Variants in LGR6 observed in about 807,000 individuals in gnomAD.
LGR6 encodes leucine-rich repeat-containing G protein-coupled receptor 6.
Under a neutral mutation model 69.4 loss-of-function variants are expected in LGR6, and 45 were observed. The ratio of observed to expected loss-of-function variants is 0.65; its 90% CI spans 0.51 to 0.83. The LOEUF is 0.83. LGR6 is among the 40% of genes least tolerant of loss of function. The probability of loss-of-function intolerance (pLI) is 0.00; values close to 1 mark genes in which losing one functional copy is unlikely to be tolerated. For missense variants in LGR6, 1,108 were observed against 1,246.7 expected (o/e 0.89, Z 1.68); for synonymous variants, 538 against 555.0 (o/e 0.97, Z 0.43).
chr1:202,236,181 G>T (rs1558023994), intron 4 of LGR6, 188 bp downstream of exon 4: 2 of 607,522 alleles, frequency 3.3e-6, no homozygotes, highest in Non-Finnish European at 5.9e-6. Context: ...GTGTGGCTGT[G>T]TACACTCCTA....
chr1:202,237,087 C>A (rs1407669095), intron 4 of LGR6, among the ~76,000 whole-genome samples: 1 of 152,206 alleles, frequency 6.6e-6, no homozygotes, highest in Non-Finnish European at 1.5e-5. Flanking sequence ...GTGCCCTCTA[C>A]CCTCCTGCCT....
intron 4 of LGR6, among the ~76,000 whole-genome samples, chr1:202,240,405 G>A (rs1034185141): frequency 4.0e-5 from 6 of 151,408 alleles, no homozygotes; most frequent in South Asian, 4.2e-4. Context: ...ATGAAAGAAC[G>A]AATGAACAGC....
In LGR6 at chr1:202,309,159, C is replaced by T; in HGVS notation, c.1389C>T (p.Asp463=). The T allele has an allele frequency of 5.6e-6, 9 of 1,614,136 alleles. No homozygotes were observed. Among genetic ancestry groups the T allele is most frequent in the Non-Finnish European group, 7.6e-6 (9 of 1,179,976 alleles). ...NLALSQAFSK[D]SFPKLRILEV... is the part of the protein sequence containing the mutation. ...CTCTCTCCCAGGCCTTCTCCAAGGACAGTTTCCCAAAACTGAGGTGAGGGA... is the reference window on the plus strand; with the variant it reads ...CTCTCTCCCAGGCCTTCTCCAAGGATAGTTTCCCAAAACTGAGGTGAGGGA... The change falls in exon 15 of 18, where the codon GAC becomes GAT. Residue 463 remains aspartate (D), a synonymous_variant. Transcript: ENST00000367278.
At chr1:202,271,874 G>GCTTCTGCTCCTGCT (rs1034455594) in intron 4 of LGR6, among the ~76,000 whole-genome samples, 3 of 150,140 alleles carry the variant, frequency 2.0e-5, no homozygotes, top group Admixed American at 2.0e-4. Context: ...CCAATACTGC[G>GCTTCTGCTCCTGCT]CCTGTCTCCT....
At chr1:202,305,541 C>T (rs1653092342) in intron 11 of LGR6, 143 bp from the exon 12 acceptor site, 2 of 696,096 alleles carry the variant, frequency 2.9e-6, no homozygotes, top group Non-Finnish European at 5.2e-6. Context: ...TGTGAGATGC[C>T]TCAACAGCCA....
intron 1 of LGR6, among the ~76,000 whole-genome samples, chr1:202,202,280 G>T (rs1213275453): frequency 1.3e-5 from 2 of 152,096 alleles, no homozygotes; most frequent in Non-Finnish European, 2.9e-5. Context: ...TTCCCTCAGG[G>T]CACACATTTT....
At chr1:202,244,287 G>A (rs1187343888) in intron 4 of LGR6, among the ~76,000 whole-genome samples, 1 of 152,124 alleles carries the variant, frequency 6.6e-6, no homozygotes, top group Non-Finnish European at 1.5e-5. Context: ...AGCCCTCCAG[G>A]TGATTCTGAC....
chr1:202,281,999 C>A (rs1416648674), intron 6 of LGR6, among the ~76,000 whole-genome samples: 2 of 152,164 alleles, frequency 1.3e-5, no homozygotes, highest in Non-Finnish European at 2.9e-5. Context: ...GGCTGAGACC[C>A]AAGCTCCACT....
chr1:202,314,951 T>A, intron 17 of LGR6, 69 bp downstream of exon 17: 1 of 1,147,388 alleles, frequency 8.7e-7, no homozygotes, highest in South Asian at 1.2e-5. Flanking sequence ...CTAGTTGAGG[T>A]ATTAGTTCAG....
intron 6 of LGR6, among the ~76,000 whole-genome samples, chr1:202,292,449 G>A (rs1666863467): frequency 1.3e-5 from 2 of 152,226 alleles, no homozygotes; most frequent in African/African-American, 4.8e-5. Context: ...TAAGGAGAGT[G>A]TGTCTTCTTG....
chr1:202,292,595 T>C (rs1666872522), intron 6 of LGR6, among the ~76,000 whole-genome samples: 1 of 152,182 alleles, frequency 6.6e-6, no homozygotes, highest in Non-Finnish European at 1.5e-5. Context: ...GTCTATTTTA[T>C]AAATCCTGGA....
At chr1:202,271,370 G>A (rs1665082214) in intron 4 of LGR6, among the ~76,000 whole-genome samples, 1 of 152,108 alleles carries the variant, frequency 6.6e-6, no homozygotes, top group Non-Finnish European at 1.5e-5. Context: ...GAAAGGGTGG[G>A]GGAATTCTCC....
chr1:202,258,246 G>A (rs1011460767), intron 4 of LGR6, among the ~76,000 whole-genome samples: 1 of 151,874 alleles, frequency 6.6e-6, no homozygotes, highest in African/African-American at 2.4e-5. Flanking sequence ...TTTAATAGGA[G>A]CAGTCCCTGT....
At chr1:202,207,115 G>A (rs576704717) in intron 1 of LGR6, among the ~76,000 whole-genome samples, 2 of 151,924 alleles carry the variant, frequency 1.3e-5, no homozygotes, top group African/African-American at 2.4e-5. Flanking sequence ...ACGGGTTTTC[G>A]CCATGTGGCC....
intron 3 of LGR6, among the ~76,000 whole-genome samples, chr1:202,231,430 G>GGCCT (rs1260048995): frequency 6.6e-6 from 1 of 152,178 alleles, no homozygotes; most frequent in African/African-American, 2.4e-5. Context: ...CATGAGGCAA[G>GGCCT]GCCTGCTGCC....
chr1:202,318,190 C>T lies in LGR6; in HGVS notation c.1887C>T (p.Phe629=). ...ASVDALTFGQ[F]SEYGARWETG... ...TCGATGCCCTGACCTTTGGTCAGTT[C>T]TCTGAGTACGGAGCCCGCTGGGAGA... Residue 629 remains phenylalanine (F), a synonymous_variant, in exon 18 of 18, where the codon TTC becomes TTT. Coordinates refer to ENST00000367278, the MANE Select transcript of LGR6 (RefSeq NM_001017403.2). The T allele has an allele frequency of 6.2e-7, 1 of 1,613,440 alleles. No homozygotes were observed.
intron 10 of LGR6, among the ~76,000 whole-genome samples, chr1:202,303,913 T>C (rs1472028784): frequency 6.6e-6 from 1 of 152,126 alleles, no homozygotes; most frequent in Non-Finnish European, 1.5e-5. Context: ...GCCTCCGTTG[T>C]CTCCCCGCTA....
intron 4 of LGR6, among the ~76,000 whole-genome samples, chr1:202,265,546 C>T (rs1289166038): frequency 2.0e-5 from 3 of 152,242 alleles, no homozygotes; most frequent in Non-Finnish European, 4.4e-5. Flanking sequence ...AATCGGTGAA[C>T]ACCTTCTTCT....
rs76654397 is a variant in LGR6, at chr1:202,194,133, G to C, written c.144G>C (p.Leu48=). 4.4e-6 allele frequency: 7 copies of C among 1,573,096 alleles called. No individual in the cohort carries two copies. The highest frequency in any genetic ancestry group is 4.6e-4 in the Middle Eastern group (2 of 4,380). The change falls in exon 1 of 18, where the codon CTG becomes CTC. Residue 48 remains leucine, a synonymous_variant. Transcript: ENST00000367278. ...ACTGCCAGGAGGACGGCATCATGCT[G>C]TCTGCCGACTGCTCTGAGCTCGGGC... ...PCHCQEDGIM[L]SADCSELGLS... is the part of the protein sequence containing the mutation.
Sources: allele counts gnomAD v4.1 joint callset (sites outside exome capture counted in the v4.1 genomes callset), GRCh38; gene constraint gnomAD v4.1.1; transcripts MANE v1.5; gene names NCBI Gene and HGNC (gene_info 2026-07-23, HGNC 2026-07-21).